TMEM132C: variants seen among roughly 807,000 people sequenced by gnomAD.
TMEM132C encodes the protein transmembrane protein 132C, also known as protein phosphatase 1, regulatory subunit 152.
A neutral mutation model predicts 61.4 loss-of-function variants in TMEM132C; 29 were observed. That is an observed-to-expected ratio of 0.47 (90% CI 0.35 to 0.64). The LOEUF is 0.64. TMEM132C is among the 30% of genes least tolerant of loss of function. TMEM132C has a pLI of 0.00. For synonymous variants in TMEM132C, 656 were observed against 633.1 expected (o/e 1.04, Z -0.54); for missense variants, 1,408 against 1,476.9 (o/e 0.95, Z 0.76).
chr12:128,342,439 A>G (rs1038460888), intron 1 of TMEM132C, among the ~76,000 whole-genome samples: 4 of 152,236 alleles, frequency 2.6e-5, no homozygotes, highest in Non-Finnish European at 4.4e-5. Context: ...GAGTCCAGTT[A>G]TCTTGATTAC....
chr12:128,448,927 G>A (rs1277082381), intron 2 of TMEM132C, among the ~76,000 whole-genome samples: 2 of 151,858 alleles, frequency 1.3e-5, no homozygotes, highest in East Asian at 1.9e-4. Flanking sequence ...CACGAGGTCA[G>A]GAGATCGAGA....
Position 128,419,013 on chromosome 12 carries a change from A to G in TMEM132C, c.974+3393A>G, listed in dbSNP as rs2136025237. Among the ~76,000 whole-genome samples, 6 of 152,316 alleles carry G rather than the reference A, an allele frequency of 3.9e-5. No individual in the cohort carries two copies. In the Middle Eastern group the frequency reaches 0.017, roughly 432 times the overall value. Reference sequence around the variant, plus strand: ...TGTATCATCAATGCAATGTGCAAGTATCCAACCATGACCATTTGCCAGGCA... The same window carrying G: ...TGTATCATCAATGCAATGTGCAAGTGTCCAACCATGACCATTTGCCAGGCA... On this transcript the variant is annotated intron_variant, in intron 2 of 8. Coordinates refer to ENST00000435159, the MANE Select transcript of TMEM132C (RefSeq NM_001136103.3).
Position 128,705,136 on chromosome 12 carries a change from C to A in TMEM132C, c.2168C>A (p.Thr723Lys). ...TWLQFSDGSV[T>K]PLDIYDTKDF... ...CTGCAGTTCAGTGATGGCTCTGTGA[C>A]GCCCCTGGACATCTACGACACCAAG... Residue 723 changes from threonine (T) to lysine (K), a missense_variant, in exon 9 of 9, where the codon ACG (threonine) becomes AAG (lysine). Physicochemically the swap from Thr to Lys is moderately conservative, Grantham distance 78 (BLOSUM62 -1). Coordinates refer to ENST00000435159, the MANE Select transcript of TMEM132C (RefSeq NM_001136103.3). 6.5e-7 allele frequency: 1 copy of A among 1,550,190 alleles called. No individual in the cohort carries two copies. Among genetic ancestry groups the A allele is most frequent in the Non-Finnish European group, 8.7e-7 (1 of 1,146,070 alleles).
intron 2 of TMEM132C, among the ~76,000 whole-genome samples, chr12:128,441,276 C>T (rs541427188): frequency 8.5e-5 from 13 of 152,352 alleles, no homozygotes; most frequent in African/African-American, 3.1e-4. Flanking sequence ...CTGGACTACT[C>T]TCAGTCCACT....
chr12:128,665,993 A>ACC (rs1954465260), intron 4 of TMEM132C, among the ~76,000 whole-genome samples: 4 of 146,700 alleles, frequency 2.7e-5, no homozygotes, highest in African/African-American at 5.2e-5. Context: ...ACACACAGGC[A>ACC]CTCACACACA....
intron 1 of TMEM132C, among the ~76,000 whole-genome samples, chr12:128,295,567 G>A (rs1871381992): frequency 6.7e-6 from 1 of 150,358 alleles, no homozygotes; most frequent in South Asian, 2.1e-4. Context: ...CCTCCCCTGG[G>A]TATGCTTTCA....
chr12:128,346,351 T>A (rs1323198472), intron 1 of TMEM132C, among the ~76,000 whole-genome samples: 1 of 152,208 alleles, frequency 6.6e-6, no homozygotes, highest in Non-Finnish European at 1.5e-5. Flanking sequence ...GCCTCCAGCT[T>A]TGTTCTTTTT....
At chr12:128,685,589 G>C (rs1954666961) in intron 5 of TMEM132C, among the ~76,000 whole-genome samples, 1 of 138,950 alleles carries the variant, frequency 7.2e-6, no homozygotes, top group Non-Finnish European at 1.6e-5. Flanking sequence ...AGCTTGGACT[G>C]GTCCAAGCAT....
intron 2 of TMEM132C, among the ~76,000 whole-genome samples, chr12:128,480,510 C>A (rs937887883): frequency 6.6e-5 from 10 of 152,216 alleles, no homozygotes; most frequent in Non-Finnish European, 1.5e-4. Context: ...CCCGGCGAAG[C>A]CAGCCCATGC....
intron 3 of TMEM132C, among the ~76,000 whole-genome samples, chr12:128,544,654 CAT>C (rs1256932141): frequency 6.6e-6 from 1 of 152,132 alleles, no homozygotes; most frequent in Non-Finnish European, 1.5e-5. Flanking sequence ...CGGGGGGAAT[CAT>C]GTGCCAATAT....
At chr12:128,492,924 T>C (rs1440884038) in intron 2 of TMEM132C, among the ~76,000 whole-genome samples, 3 of 152,186 alleles carry the variant, frequency 2.0e-5, no homozygotes, top group Admixed American at 6.5e-5. Context: ...AGTCCTTGCC[T>C]ATGCCTATGT....
chr12:128,421,196 T>C (rs190214042), intron 2 of TMEM132C, among the ~76,000 whole-genome samples: 5 of 152,342 alleles, frequency 3.3e-5, no homozygotes, highest in African/African-American at 1.2e-4. Context: ...TAGCACTCTG[T>C]ATGCCTCTGT....
chr12:128,276,299 A>C (rs1389315341), intron 1 of TMEM132C, among the ~76,000 whole-genome samples: 1 of 152,230 alleles, frequency 6.6e-6, no homozygotes, highest in African/African-American at 2.4e-5. Flanking sequence ...GAAACCTTAC[A>C]TAGATATTTT....
chr12:128,423,608 G>A (rs1869067081), intron 2 of TMEM132C, among the ~76,000 whole-genome samples: 2 of 152,196 alleles, frequency 1.3e-5, no homozygotes, highest in South Asian at 4.1e-4. Context: ...ACTGGCTTTT[G>A]CCTGTAGTCC....
intron 2 of TMEM132C, among the ~76,000 whole-genome samples, chr12:128,478,547 G>A (rs1206376517): frequency 6.6e-6 from 1 of 152,170 alleles, no homozygotes; most frequent in Non-Finnish European, 1.5e-5. Context: ...AGAGTGGAGA[G>A]TATTTAAACC....
At chr12:128,309,061 G>A (rs1220312423) in intron 1 of TMEM132C, among the ~76,000 whole-genome samples, 1 of 152,074 alleles carries the variant, frequency 6.6e-6, no homozygotes, top group African/African-American at 2.4e-5. Context: ...GGGGAGGGGT[G>A]GGGATCAAGG....
intron 1 of TMEM132C, among the ~76,000 whole-genome samples, chr12:128,311,529 G>A (rs545331833): frequency 2.0e-5 from 3 of 152,316 alleles, no homozygotes; most frequent in Admixed American, 6.5e-5. Context: ...GTAAAAGTCC[G>A]AAAATGTTGC....
chr12:128,644,858 G>C (rs921770649), intron 4 of TMEM132C, among the ~76,000 whole-genome samples: 2 of 152,150 alleles, frequency 1.3e-5, no homozygotes, highest in African/African-American at 4.8e-5. Flanking sequence ...AAAAGTCCGC[G>C]ACAGGTAAGA....
rs1445849902 is a variant in TMEM132C at position 128,705,209 on chromosome 12, C to A, written c.2241C>A (p.Val747=). Residue 747 remains valine, a synonymous_variant, in exon 9 of 9, where the codon GTC becomes GTA. Coordinates refer to ENST00000435159, the MANE Select transcript of TMEM132C (RefSeq NM_001136103.3). ...ATSQDEAVVS[V]PQPRSPRWPV... ...CCCAGGACGAGGCTGTCGTGTCAGT[C>A]CCCCAGCCCCGCTCTCCCAGGTGGC... 6.4e-7 allele frequency: 1 copy of A among 1,551,676 alleles called. No homozygotes were observed.
Sources: allele counts gnomAD v4.1 joint callset (sites outside exome capture counted in the v4.1 genomes callset), GRCh38; gene constraint gnomAD v4.1.1; transcripts MANE v1.5; gene names NCBI Gene and HGNC (gene_info 2026-07-23, HGNC 2026-07-21).